The following CCDC146 variants were observed in gnomAD, a reference collection of about 807,000 sequenced individuals.
CCDC146 encodes the protein coiled-coil domain-containing protein 146.
A neutral mutation model predicts 119.3 loss-of-function variants in CCDC146; 92 were observed. That is an observed-to-expected ratio of 0.77 (90% CI 0.65 to 0.92). The LOEUF (loss-of-function observed/expected upper bound fraction) is 0.92. Ranked by LOEUF, CCDC146 falls within the 40% of genes least tolerant of loss-of-function variation. The pLI, the probability that CCDC146 is intolerant of heterozygous loss-of-function variation, is 0.00. For synonymous variants in CCDC146, 372 were observed against 371.8 expected, an observed-to-expected ratio of 1.00 and a Z score of -0.01; for missense variants, 1,000 against 1,103.0, an observed-to-expected ratio of 0.91 and a Z score of 1.32.
At position 77,213,172 on chromosome 7, in the gene CCDC146, C is replaced by T. The variant is rs182083455; in HGVS notation, c.157-23775C>T. On this transcript the variant is annotated intron_variant, in intron 2 of 18. Coordinates refer to ENST00000285871, the MANE Select transcript of CCDC146 (RefSeq NM_020879.3). ...GTGGCGCAATTACAGCTCACTGCAG[C>T]CTTGACTTCCTGGGCTCAAGCATCC... Among the ~76,000 whole-genome samples, 633 of 152,032 alleles carry T rather than the reference C, an allele frequency of 4.2e-3. 11 individuals carry two copies. Among genetic ancestry groups the T allele is most frequent in the Admixed American group, 6.0e-3 (91 of 15,274 alleles).
intron 2 of CCDC146, among the ~76,000 whole-genome samples, chr7:77,235,055 C>G (rs1792708852): frequency 6.6e-6 from 1 of 152,158 alleles, no homozygotes; most frequent in Non-Finnish European, 1.5e-5. Flanking sequence ...ATTTTGATAG[C>G]TGCATTCATT....
At chr7:77,180,212 ATATG>A (rs766451278) in intron 2 of CCDC146, among the ~76,000 whole-genome samples, 33 of 135,128 alleles carry the variant, frequency 2.4e-4, no homozygotes, top group Non-Finnish European at 4.7e-4. Context: ...ATATGCACCC[ATATG>A]TATGTACCAT....
chr7:77,241,161 C>A (rs1225085468), intron 3 of CCDC146, among the ~76,000 whole-genome samples: 1 of 150,102 alleles, frequency 6.7e-6, no homozygotes, highest in African/African-American at 2.4e-5. Context: ...GGGTTCACGC[C>A]ATTCTCCTGC....
At chr7:77,204,465 G>A (rs2150441066) in intron 2 of CCDC146, among the ~76,000 whole-genome samples, 1 of 152,304 alleles carries the variant, frequency 6.6e-6, no homozygotes, top group Non-Finnish European at 1.5e-5. Context: ...CAGACTAGAA[G>A]TCTTCCAATA....
intron 2 of CCDC146, among the ~76,000 whole-genome samples, chr7:77,225,131 C>G (rs1451074676): frequency 6.6e-6 from 1 of 152,172 alleles, no homozygotes; most frequent in Non-Finnish European, 1.5e-5. Flanking sequence ...CTGATTAAGA[C>G]TTTATTTGTA....
intron 4 of CCDC146, among the ~76,000 whole-genome samples, chr7:77,249,217 C>T (rs922808297): frequency 6.6e-6 from 1 of 152,076 alleles, no homozygotes; most frequent in Admixed American, 6.6e-5. Context: ...ACTGGCCGGG[C>T]GCTGTGGCTG....
At chr7:77,160,693 T>C (rs1264721237) in intron 1 of CCDC146, among the ~76,000 whole-genome samples, 1 of 152,242 alleles carries the variant, frequency 6.6e-6, no homozygotes, top group African/African-American at 2.4e-5. Flanking sequence ...GTTTTCTAGA[T>C]ATACAATCAT....
chr7:77,137,835 G>A (rs1020374155), intron 1 of CCDC146, among the ~76,000 whole-genome samples: 2 of 151,650 alleles, frequency 1.3e-5, no homozygotes, highest in African/African-American at 2.4e-5. Context: ...GACACTACCC[G>A]ACTTCAATAC....
In CCDC146 at chr7:77,212,275, T is replaced by C. The variant is rs1792199301; in HGVS notation, c.157-24672T>C. ...ACATATTGAAGAAAAATATATAGCT[T>C]TCCTATTATAATAAGAATAAGCTTT... On this transcript the variant is annotated intron_variant, in intron 2 of 18. Transcript: ENST00000285871. 2.0e-5 allele frequency among the ~76,000 whole-genome samples: 3 copies of C among 152,298 alleles called. No homozygotes were observed. In the South Asian group the frequency reaches 6.2e-4, roughly 32 times the overall value.
intron 2 of CCDC146, among the ~76,000 whole-genome samples, chr7:77,191,817 G>A (rs1404730505): frequency 6.6e-6 from 1 of 152,124 alleles, no homozygotes; most frequent in Non-Finnish European, 1.5e-5. Context: ...GGCTGAGGCA[G>A]GAGAATGGTG....
intron 11 of CCDC146, among the ~76,000 whole-genome samples, chr7:77,276,590 T>G (rs921825395): frequency 8.5e-5 from 13 of 152,200 alleles, no homozygotes; most frequent in South Asian, 2.1e-4. Flanking sequence ...ACTTAATCCA[T>G]GTTAAACAAT....
intron 2 of CCDC146, chr7:77,199,382 T>C (rs1477763815): frequency 6.2e-7 from 1 of 1,614,154 alleles, no homozygotes; most frequent in South Asian, 1.1e-5. Flanking sequence ...GACAGCTTGT[T>C]AACCTCACTC....
At chr7:77,202,704 A>G (rs1410275439) in intron 2 of CCDC146, among the ~76,000 whole-genome samples, 1 of 152,112 alleles carries the variant, frequency 6.6e-6, no homozygotes, top group East Asian at 1.9e-4. Context: ...TGAGTGTATA[A>G]CTCATGGAGG....
At position 77,287,589 on chromosome 7, in the gene CCDC146, A is replaced by G; in HGVS notation, c.2415+12A>G. On this transcript the variant is annotated intron_variant, in intron 17 of 18. Transcript: ENST00000285871. The stretch of plus-strand genomic sequence containing the variant: ...TCTTAGCCAAGAAGGTAGGCCTGAG[A>G]CCCTGCCTTTTCCCTTCTGCCCCTG... 6.2e-7 allele frequency: 1 copy of G among 1,609,896 alleles called. No individual in the cohort carries two copies.
chr7:77,206,202 T>C (rs180749293), intron 2 of CCDC146, among the ~76,000 whole-genome samples: 402 of 152,342 alleles, frequency 2.6e-3, no homozygotes, highest in Non-Finnish European at 4.4e-3. Flanking sequence ...TGTTACAAAA[T>C]CCAGGGCTTT....
At chr7:77,242,673 C>T (rs1792872177) in intron 4 of CCDC146, among the ~76,000 whole-genome samples, 3 of 152,164 alleles carry the variant, frequency 2.0e-5, no homozygotes, top group Non-Finnish European at 1.5e-5. Flanking sequence ...TGCCTGGGTA[C>T]AGGAGAGAAA....
intron 1 of CCDC146, among the ~76,000 whole-genome samples, chr7:77,164,043 A>C (rs1791304963): frequency 6.6e-6 from 1 of 151,402 alleles, no homozygotes; most frequent in Admixed American, 6.6e-5. Flanking sequence ...TTGTATTTTT[A>C]GTAGAGATGG....
In CCDC146 at chr7:77,290,061, CA is replaced by C. The variant is rs200424150; in HGVS notation, c.2415+2491del. Among the ~76,000 whole-genome samples the C allele has an allele frequency of 5.8e-5, 8 of 139,092 alleles. No homozygotes were observed. In the East Asian group the frequency reaches 1.6e-3, roughly 27 times the overall value. The allele number at this position is 139,092 out of a possible 152,430, so 91.2% of individuals were successfully genotyped here. A position where few individuals can be genotyped will look rare whatever the true frequency, so the allele number is the denominator to read the frequency against. ...TATACACCATGGAATACTATGCAGCCAAAAAAAGGATGAGTTCATGTCCTTT... is the reference window on the plus strand; with the variant it reads ...TATACACCATGGAATACTATGCAGCCAAAAAAGGATGAGTTCATGTCCTTT... On this transcript the variant is annotated intron_variant, in intron 17 of 18. Transcript: ENST00000285871.
chr7:77,245,178 T>C (rs1194978745), intron 4 of CCDC146, among the ~76,000 whole-genome samples: 1 of 152,244 alleles, frequency 6.6e-6, no homozygotes, highest in Non-Finnish European at 1.5e-5. Flanking sequence ...TAGTTTCTGT[T>C]TCTGGATTAA....
Sources: gnomAD v4.1 joint callset for allele counts (sites outside exome capture counted in the v4.1 genomes callset) on GRCh38, gnomAD v4.1.1 for gene constraint, MANE v1.5 for transcripts, NCBI Gene and HGNC (gene_info 2026-07-23, HGNC 2026-07-21) for gene names.